The following WDR59 variants were observed in gnomAD, a reference collection of about 807,000 sequenced individuals.
WDR59 encodes WD repeat domain 59.
Under a neutral mutation model 131.2 loss-of-function variants are expected in WDR59, and 100 were observed. That is an observed-to-expected ratio of 0.76 (90% CI 0.65 to 0.90). The LOEUF (loss-of-function observed/expected upper bound fraction) is 0.90, where lower values mean the gene tolerates loss of function less well. Among genes scored for constraint, WDR59 ranks in the 40% least tolerant of loss-of-function variants. The pLI is 0.00. For synonymous variants in WDR59, 601 were observed against 466.2 expected (o/e 1.29, Z -3.72); for missense variants, 1,203 against 1,262.2 (o/e 0.95, Z 0.71).
chr16:74,904,344 G>T, intron 17 of WDR59: 2 of 436,492 alleles, frequency 4.6e-6, no homozygotes, highest in South Asian at 2.7e-5. Flanking sequence ...AAGTGAATTT[G>T]AATACAAGGT....
chr16:74,911,674 T>C (rs1359346573), intron 14 of WDR59, among the ~76,000 whole-genome samples: 1 of 152,234 alleles, frequency 6.6e-6, no homozygotes, highest in East Asian at 1.9e-4. Context: ...ACCAGCTCCT[T>C]CTATGGGATA....
chr16:74,945,697 C>T (rs1165172311), intron 6 of WDR59, among the ~76,000 whole-genome samples: 1 of 151,930 alleles, frequency 6.6e-6, no homozygotes, highest in African/African-American at 2.4e-5. Context: ...TTCATCTATC[C>T]ATGCAACAAA....
intron 1 of WDR59, 108 bp from the exon 2 acceptor site, chr16:74,965,930 C>A (rs2033756898): frequency 2.6e-6 from 3 of 1,149,248 alleles, no homozygotes; most frequent in East Asian, 2.4e-5. Context: ...GTCCCCAGCT[C>A]GCAGGTATCA....
At chr16:74,922,286 C>G (rs1008560174) in intron 9 of WDR59, among the ~76,000 whole-genome samples, 183 bp from the exon 10 acceptor site, 5 of 152,208 alleles carry the variant, frequency 3.3e-5, no homozygotes, top group African/African-American at 9.7e-5. Flanking sequence ...TTTCTCTTTG[C>G]TTATGGAAGG....
At chr16:74,904,127 C>G (rs759256174) in intron 17 of WDR59, 27 bp from the exon 18 acceptor site, 23 of 1,600,044 alleles carry the variant, frequency 1.4e-5, no homozygotes, top group Admixed American at 1.2e-4. Flanking sequence ...TAATTATCCA[C>G]ACTGGCTGCA....
intron 1 of WDR59, among the ~76,000 whole-genome samples, chr16:74,977,345 T>C: frequency 6.6e-6 from 1 of 151,974 alleles, no homozygotes; most frequent in Middle Eastern, 3.2e-3. Context: ...TATATAACCA[T>C]ACAGAACTGG....
Position 74,908,970 on chromosome 16 carries a change from C to T in WDR59, c.1650G>A (p.Leu550=). The T allele has an allele frequency of 6.2e-7, 1 of 1,613,636 alleles. No homozygotes were observed. The highest frequency in any genetic ancestry group is 8.5e-7 in the Non-Finnish European group (1 of 1,179,884). Residue 550 remains leucine, a synonymous_variant, in exon 17 of 26, where the codon CTG becomes CTA. Transcript: ENST00000262144. The part of the protein sequence containing the change: ...SGARFCGAGY[L]VYFTRPMTMH... ...TTGTCATGGGCCTTGTGAAATATAC[C>T]AGGTAACCTAAAGGAGGAGACATCA...
At chr16:74,899,768 C>T (rs188537479) in intron 18 of WDR59, 34 of 1,288,874 alleles carry the variant, frequency 2.6e-5, no homozygotes, top group South Asian at 1.9e-4. Context: ...TGCATGAAAA[C>T]GTTACACCCA....
At chr16:74,895,905 T>C (rs1965275835) in intron 18 of WDR59, among the ~76,000 whole-genome samples, 1 of 152,178 alleles carries the variant, frequency 6.6e-6, no homozygotes. Flanking sequence ...ATTTAGCCTA[T>C]GTCTACCCTG....
chr16:74,915,759 G>C (rs1813893565), intron 13 of WDR59, 111 bp downstream of exon 13: 1 of 1,501,956 alleles, frequency 6.7e-7, no homozygotes, highest in Non-Finnish European at 9.1e-7. Context: ...AGCAGAGAGA[G>C]TTCTGTTAAA....
chr16:74,937,309 A>T (rs981640987), intron 8 of WDR59, among the ~76,000 whole-genome samples: 6 of 152,236 alleles, frequency 3.9e-5, no homozygotes, highest in Non-Finnish European at 8.8e-5. Flanking sequence ...AAATGACTCT[A>T]TCCCTGAACT....
chr16:74,889,927 G>A (rs1323713405), intron 20 of WDR59, 112 bp from the exon 21 acceptor site: 3 of 696,092 alleles, frequency 4.3e-6, no homozygotes, highest in African/African-American at 1.8e-5. Context: ...TACATTGGGG[G>A]CAGCAAAAGC....
intron 1 of WDR59, among the ~76,000 whole-genome samples, chr16:74,973,271 C>A (rs780424342): frequency 1.7e-4 from 21 of 122,058 alleles, no homozygotes; most frequent in Non-Finnish European, 2.6e-4. Flanking sequence ...ATGAACACTG[C>A]TGCCAAAGCT....
At chr16:74,951,580 T>C (rs1433508048) in intron 3 of WDR59, 37 bp from the exon 4 acceptor site, 1 of 1,541,002 alleles carries the variant, frequency 6.5e-7, no homozygotes, top group South Asian at 1.2e-5. Context: ...GGCAAGTATG[T>C]TGGGATATAT....
rs1451418038 is a variant in WDR59, at chr16:74,909,911, T to G, written c.1396A>C (p.Lys466Gln). The change falls in exon 15 of 26, where the codon AAG (lysine) becomes CAG (glutamine). Residue 466 changes from lysine (K) to glutamine (Q), a missense_variant. By Grantham distance (53) the Lys-to-Gln change is moderately conservative (BLOSUM62 1). Transcript: ENST00000262144. ...TMKAKLLKIL[K>Q]DTALQKVKRG... ...TTCACTTTCTGCAGGGCTGTGTCCT[T>G]CAGGATCTAGAAAAGGCCCAAAACA... 2 of 1,598,596 alleles carry G rather than the reference T, an allele frequency of 1.3e-6. No individual in the cohort carries two copies.
Position 74,885,653 on chromosome 16 carries a change from C to A in WDR59, c.2689G>T (p.Glu897Ter). The A allele has an allele frequency of 6.2e-7, 1 of 1,613,604 alleles. No individual in the cohort carries two copies. The highest frequency in any genetic ancestry group is 8.5e-7 in the Non-Finnish European group (1 of 1,179,848). The change falls in exon 25 of 26, where the codon GAG becomes TAG. Residue 897 changes from glutamate to a stop codon, truncating the protein, a stop_gained and splice_region_variant. Coordinates refer to ENST00000262144, the MANE Select transcript of WDR59 (RefSeq NM_030581.4). LOFTEE classifies it high-confidence loss of function. ...SCPPDPHKGI[E>*]FGVYCSHCRS... ...GGAAGAGAGAGAAATTCATACTCAC[C>A]GATCCCTTTGTGAGGGTCAGGAGGA...
rs981844508 is a variant in WDR59 at position 74,876,042 on chromosome 16, G to A, written c.2690-1598C>T. ...GCCTCGTCTCTCACTTCCCTTCGTCGTTACACCACGCATCTTCCAATCTCC... is the reference window on the plus strand; with the variant it reads ...GCCTCGTCTCTCACTTCCCTTCGTCATTACACCACGCATCTTCCAATCTCC... On this transcript the variant is annotated intron_variant, in intron 25 of 25. Transcript: ENST00000262144. Among the ~76,000 whole-genome samples, 11 of 151,844 alleles carry A rather than the reference G, an allele frequency of 7.2e-5. 1 individual carries two copies. The highest frequency in any genetic ancestry group is 1.9e-4 in the East Asian group (1 of 5,164).
chr16:74,920,188 C>T (rs371790938), intron 10 of WDR59, among the ~76,000 whole-genome samples: 27 of 151,882 alleles, frequency 1.8e-4, no homozygotes, highest in African/African-American at 5.6e-4. Flanking sequence ...GTTCAACTTA[C>T]AATTTTTTGA....
intron 2 of WDR59, chr16:74,959,475 A>T: frequency 2.3e-6 from 1 of 439,170 alleles, no homozygotes; most frequent in South Asian, 1.6e-5. Flanking sequence ...AAAGGAAAAA[A>T]GCCTTCATGG....
Sources: allele counts gnomAD v4.1 joint callset (sites outside exome capture counted in the v4.1 genomes callset), GRCh38; gene constraint gnomAD v4.1.1; transcripts MANE v1.5; gene names NCBI Gene and HGNC (gene_info 2026-07-23, HGNC 2026-07-21).